The following SCRG1 variants were observed in gnomAD, a reference collection of about 807,000 sequenced individuals.
SCRG1 encodes stimulator of chondrogenesis 1.
SCRG1 carries 3 observed loss-of-function variants against 7.7 expected under a neutral mutation model. The ratio of observed to expected loss-of-function variants is 0.39; its 90% confidence interval spans 0.18 to 1.01. The LOEUF (loss-of-function observed/expected upper bound fraction) is 1.01, where lower values mean the gene tolerates loss of function less well. Ranked by LOEUF, SCRG1 falls within the 50% of genes least tolerant of loss-of-function variation. The pLI, the probability that SCRG1 is intolerant of heterozygous loss-of-function variation, is 0.36. For synonymous variants in SCRG1, 46 were observed against 41.2 expected (o/e 1.12, Z -0.44); for missense variants, 110 against 117.2 (o/e 0.94, Z 0.28).
chr4:173,484,119 TACA>T, the SCRG1 span, among the ~76,000 whole-genome samples: 10 of 71,536 alleles, frequency 1.4e-4, no homozygotes, highest in East Asian at 3.4e-3. Context: ...ATATATAATA[TACA>T]ATATATAATA....
the SCRG1 span, among the ~76,000 whole-genome samples, chr4:173,493,944 C>T: frequency 6.6e-6 from 1 of 152,078 alleles, no homozygotes; most frequent in African/African-American, 2.4e-5. Context: ...TCTCCCCTGT[C>T]CCTGTTAAAT....
chr4:173,388,744 T>G (rs1035335375), intron 2 of SCRG1, among the ~76,000 whole-genome samples: 2 of 152,212 alleles, frequency 1.3e-5, no homozygotes, highest in South Asian at 2.1e-4. Flanking sequence ...AAACAGAAGA[T>G]TCAACATTTC....
the SCRG1 span, among the ~76,000 whole-genome samples, chr4:173,473,762 C>T: frequency 6.2e-3 from 938 of 152,284 alleles, 5 homozygotes; most frequent in Non-Finnish European, 0.01. Context: ...TCCCAGAGGC[C>T]TCACTCTGTT....
chr4:173,479,105 C>T, the SCRG1 span, among the ~76,000 whole-genome samples: 1 of 152,038 alleles, frequency 6.6e-6, no homozygotes, highest in Non-Finnish European at 1.5e-5. Context: ...GCATGACATT[C>T]ATTTCCACCA....
At chr4:173,445,408 C>T in the SCRG1 span, among the ~76,000 whole-genome samples, 2 of 151,674 alleles carry the variant, frequency 1.3e-5, no homozygotes, top group African/African-American at 4.8e-5. Flanking sequence ...TGGTGAAACC[C>T]CCGCCTCTAC....
At chr4:173,402,361 C>A (rs559989718), upstream of SCRG1, among the ~76,000 whole-genome samples, 3 of 151,694 alleles carry the variant, frequency 2.0e-5, no homozygotes, top group South Asian at 6.2e-4. Flanking sequence ...AAGACCAATT[C>A]GTGAGTAGAG....
upstream of SCRG1, among the ~76,000 whole-genome samples, chr4:173,410,771 C>CT (rs1740018930): frequency 1.3e-5 from 2 of 152,242 alleles, no homozygotes; most frequent in African/African-American, 4.8e-5. Flanking sequence ...GACTACTGGA[C>CT]TTTTTAAAAA....
the SCRG1 span, among the ~76,000 whole-genome samples, chr4:173,457,788 C>G: frequency 6.6e-6 from 1 of 152,158 alleles, no homozygotes; most frequent in Non-Finnish European, 1.5e-5. Flanking sequence ...CCTATACTAC[C>G]TGGAGAGCTT....
upstream of SCRG1, among the ~76,000 whole-genome samples, chr4:173,403,466 C>T (rs1052830079): frequency 6.6e-6 from 1 of 152,148 alleles, no homozygotes; most frequent in African/African-American, 2.4e-5. Flanking sequence ...AGGCACCCAC[C>T]TTCGTCTGCG....
At chr4:173,393,522 T>A in intron 1 of SCRG1, among the ~76,000 whole-genome samples, 1 of 152,164 alleles carries the variant, frequency 6.6e-6, no homozygotes, top group East Asian at 1.9e-4. Flanking sequence ...TAGGTCATGG[T>A]TTAAGTGACC....
chr4:173,389,262 C>T (rs531707044), intron 2 of SCRG1, among the ~76,000 whole-genome samples: 1 of 152,004 alleles, frequency 6.6e-6, no homozygotes, highest in Admixed American at 6.5e-5. Context: ...CGGCCGGGCG[C>T]AGTGGTTCAC....
chr4:173,457,470 A>G, the SCRG1 span, among the ~76,000 whole-genome samples: 1 of 152,314 alleles, frequency 6.6e-6, no homozygotes, highest in East Asian at 1.9e-4. Flanking sequence ...ATATAACATC[A>G]AAGAATTGAG....
chr4:173,494,891 C>T, the SCRG1 span, among the ~76,000 whole-genome samples: 1 of 152,208 alleles, frequency 6.6e-6, no homozygotes, highest in African/African-American at 2.4e-5. Flanking sequence ...TTGATTGGTT[C>T]TGGCTCGTTT....
At chr4:173,463,366 C>T in the SCRG1 span, among the ~76,000 whole-genome samples, 3 of 152,160 alleles carry the variant, frequency 2.0e-5, no homozygotes, top group East Asian at 1.9e-4. Context: ...CTCTGCCCCC[C>T]CGGGTTTAAG....
At chr4:173,430,806 CAAAAAAAAA>C in the SCRG1 span, among the ~76,000 whole-genome samples, 6 of 59,104 alleles carry the variant, frequency 1.0e-4, no homozygotes, top group South Asian at 9.1e-4. Flanking sequence ...GACCCTGTCT[CAAAAAAAAA>C]AAAAAAAAAA....
the SCRG1 span, among the ~76,000 whole-genome samples, chr4:173,433,027 G>T: frequency 2.0e-5 from 3 of 152,176 alleles, no homozygotes; most frequent in Non-Finnish European, 4.4e-5. Flanking sequence ...GAAAAAAATA[G>T]AATTGGATTT....
the SCRG1 span, among the ~76,000 whole-genome samples, chr4:173,442,504 C>T: frequency 9.8e-4 from 149 of 152,318 alleles, 1 homozygote; most frequent in Admixed American, 8.0e-3. Context: ...CATCACCTAA[C>T]GTTCAAACTT....
the SCRG1 span, among the ~76,000 whole-genome samples, chr4:173,454,264 G>T: frequency 5.0e-4 from 76 of 152,106 alleles, no homozygotes; most frequent in Admixed American, 1.2e-3. Context: ...AGTTCACGTA[G>T]GAAAGCTGAG....
chr4:173,485,222 A>AT, the SCRG1 span, among the ~76,000 whole-genome samples: 9 of 31,676 alleles, frequency 2.8e-4, no homozygotes, highest in Non-Finnish European at 8.0e-4. Flanking sequence ...TATAGGATAA[A>AT]TTTTTTTTTT....
Sources: allele counts gnomAD v4.1 joint callset (sites outside exome capture counted in the v4.1 genomes callset), GRCh38; gene constraint gnomAD v4.1.1; transcripts MANE v1.5; gene names NCBI Gene and HGNC (gene_info 2026-07-23, HGNC 2026-07-21).